Variants in SPTBN1 observed in about 807,000 individuals in gnomAD.
SPTBN1 encodes the protein spectrin beta chain, non-erythrocytic 1.
Under a neutral mutation model 266.4 loss-of-function variants are expected in SPTBN1, and 32 were observed. The ratio of observed to expected loss-of-function variants is 0.12; its 90% CI spans 0.09 to 0.16. The LOEUF is 0.16. Ranked by LOEUF, SPTBN1 falls within the 10% of genes least tolerant of loss-of-function variation. The pLI is 1.00. For missense variants in SPTBN1, 2,296 were observed against 3,067.1 expected (o/e 0.75, Z 5.94); for synonymous variants, 1,336 against 1,162.2 (o/e 1.15, Z -3.04).
At chr2:54,506,109 G>A (rs1443667965) in intron 1 of SPTBN1, among the ~76,000 whole-genome samples, 2 of 149,142 alleles carry the variant, frequency 1.3e-5, no homozygotes, top group Admixed American at 1.4e-4. Context: ...GGGCAACAGA[G>A]TGAGACTCCG....
At chr2:54,585,657 A>G (rs1208914706) in intron 2 of SPTBN1, among the ~76,000 whole-genome samples, 1 of 152,210 alleles carries the variant, frequency 6.6e-6, no homozygotes, top group African/African-American at 2.4e-5. Flanking sequence ...CTGAGTATCA[A>G]TTGTCTAATG....
chr2:54,665,781 A>G, intron 33 of SPTBN1, 134 bp from the exon 34 acceptor site: 1 of 1,036,248 alleles, frequency 9.7e-7, no homozygotes, highest in Non-Finnish European at 1.4e-6. Flanking sequence ...GCTTGTAATA[A>G]GGAAGGTTGA....
chr2:54,641,183 C>A (rs1189182685), intron 18 of SPTBN1, among the ~76,000 whole-genome samples: 1 of 152,246 alleles, frequency 6.6e-6, no homozygotes, highest in Non-Finnish European at 1.5e-5. Flanking sequence ...GATGAACTAG[C>A]AAGTTCCATA....
intron 1 of SPTBN1, among the ~76,000 whole-genome samples, chr2:54,503,363 G>A (rs1052884972): frequency 6.6e-6 from 1 of 152,152 alleles, no homozygotes; most frequent in Admixed American, 6.5e-5. Flanking sequence ...CTGGTTAGTG[G>A]CTTTGCAGTC....
intron 2 of SPTBN1, among the ~76,000 whole-genome samples, chr2:54,584,888 C>A (rs1349686622): frequency 6.6e-6 from 1 of 152,160 alleles, no homozygotes; most frequent in African/African-American, 2.4e-5. Flanking sequence ...CTGTTGGAAG[C>A]ACCTGACTTT....
At chr2:54,583,684 A>G (rs1675098977) in intron 2 of SPTBN1, among the ~76,000 whole-genome samples, 1 of 152,182 alleles carries the variant, frequency 6.6e-6, no homozygotes, top group Non-Finnish European at 1.5e-5. Flanking sequence ...AAAGTTAACT[A>G]CCAATTTAGT....
chr2:54,534,194 C>G (rs1305438548), intron 2 of SPTBN1, among the ~76,000 whole-genome samples: 1 of 152,204 alleles, frequency 6.6e-6, no homozygotes, highest in Non-Finnish European at 1.5e-5. Context: ...TAGGGCTCTT[C>G]TTGTTCGCAC....
intron 2 of SPTBN1, among the ~76,000 whole-genome samples, chr2:54,581,428 T>C (rs1674892558): frequency 6.6e-6 from 1 of 152,196 alleles, no homozygotes; most frequent in Admixed American, 6.5e-5. Context: ...ATCCTTTTGA[T>C]GCTGACAGCA....
At chr2:54,472,514 T>G (rs35001659) in intron 1 of SPTBN1, among the ~76,000 whole-genome samples, 57,921 of 152,036 alleles carry the variant, frequency 0.38, 11,309 homozygotes, top group East Asian at 0.51. Flanking sequence ...TTGTCTGCAG[T>G]ACTTAGTTCT....
Position 54,624,805 on chromosome 2 carries a change from C to T in SPTBN1, c.1184C>T (p.Ala395Val). 1 of 1,613,876 alleles carries T rather than the reference C, an allele frequency of 6.2e-7. No homozygotes were observed. Among genetic ancestry groups the T allele is most frequent in the Non-Finnish European group, 8.5e-7 (1 of 1,179,960 alleles). Residue 395 changes from alanine (A) to valine (V), a missense_variant and splice_region_variant, in exon 11 of 36, where the codon GCC (alanine) becomes GTC (valine). Around this residue, in one of 12 missense-constraint regions of SPTBN1, gnomAD observed 148 missense variants for 203.8 expected, o/e 0.73. Coordinates refer to ENST00000356805, the MANE Select transcript of SPTBN1 (RefSeq NM_003128.3). ...GTGTGTGTATTTTCATTTTTGTAGG[C>T]CTGGGAAAGACTGGAAAAAGCGGAA... ...EGKLISDINKAWERLEKAEHE... is the reference protein window; with the variant it reads ...EGKLISDINKVWERLEKAEHE...
At chr2:54,628,000 T>C (rs2971887) in intron 12 of SPTBN1, 97 bp from the exon 13 acceptor site, 1,066,188 of 1,431,714 alleles carry the variant, frequency 0.74, 399,655 homozygotes, top group African/African-American at 0.94. Context: ...AGGGAAGGCA[T>C]AGCTTCATTG....
At chr2:54,549,558 T>A (rs1270874124) in intron 2 of SPTBN1, among the ~76,000 whole-genome samples, 5 of 152,204 alleles carry the variant, frequency 3.3e-5, no homozygotes, top group Non-Finnish European at 5.9e-5. Context: ...TTCACTTCTC[T>A]TGAGTCTGTG....
intron 2 of SPTBN1, among the ~76,000 whole-genome samples, chr2:54,593,823 CTTTTTTTTTTTTT>C (rs374877354): frequency 3.1e-5 from 2 of 64,782 alleles, no homozygotes; most frequent in African/African-American, 1.2e-4. Flanking sequence ...CATGGAAACA[CTTTTTTTTTTTTT>C]TTTTTTTTTT....
chr2:54,506,248 G>A (rs898850048), intron 1 of SPTBN1, among the ~76,000 whole-genome samples: 20 of 152,128 alleles, frequency 1.3e-4, no homozygotes, highest in Admixed American at 7.2e-4. Flanking sequence ...ATGTGCTTTC[G>A]GAGGTTGTGA....
chr2:54,590,673 A>G (rs9808516), intron 2 of SPTBN1, among the ~76,000 whole-genome samples: 6,318 of 152,320 alleles, frequency 0.041, 405 homozygotes, highest in African/African-American at 0.14. Flanking sequence ...GGTTAGAAGA[A>G]TGATAGAAGC....
In SPTBN1 at chr2:54,594,833, C is replaced by CTTTTTTTTTTTTTTT. The variant is rs71408777; in HGVS notation, c.149-4255_149-4241dup. On this transcript the variant is annotated intron_variant, in intron 2 of 35. Transcript: ENST00000356805. The stretch of plus-strand genomic sequence containing the variant: ...GATTCCATGACCCTCTGGTAAGTTT[C>CTTTTTTTTTTTTTTT]TTTTTTTTTTTTTTTTTTGAGACAG... Among the ~76,000 whole-genome samples, 26 of 104,674 alleles carry CTTTTTTTTTTTTTTT rather than the reference C, an allele frequency of 2.5e-4. 1 individual carries two copies. Among genetic ancestry groups the CTTTTTTTTTTTTTTT allele is most frequent in the African/African-American group, 6.6e-4 (13 of 19,770 alleles). 68.7% of individuals were successfully genotyped at this position (104,674 alleles called of 152,430 possible). A position where few individuals can be genotyped will look rare whatever the true frequency, so the allele number is the denominator to read the frequency against.
chr2:54,467,530 C>T (rs534060122), intron 1 of SPTBN1, among the ~76,000 whole-genome samples: 41 of 151,944 alleles, frequency 2.7e-4, no homozygotes, highest in African/African-American at 9.2e-4. Context: ...GAGTAGCTGG[C>T]GCCTGCCACC....
intron 2 of SPTBN1, among the ~76,000 whole-genome samples, chr2:54,566,185 CTT>C (rs59369956): frequency 6.7e-4 from 84 of 125,170 alleles, no homozygotes; most frequent in African/African-American, 1.0e-3. Context: ...TTTCTTTTTT[CTT>C]TTTTTTTTTT....
intron 2 of SPTBN1, among the ~76,000 whole-genome samples, chr2:54,538,224 T>C (rs1403921268): frequency 1.3e-5 from 2 of 152,250 alleles, no homozygotes; most frequent in Non-Finnish European, 2.9e-5. Context: ...GTCTTTAGAA[T>C]ATGCCTTTAA....
Sources: gnomAD v4.1 joint callset for allele counts (sites outside exome capture counted in the v4.1 genomes callset) on GRCh38, gnomAD v4.1.1 for gene constraint, gnomAD v4.1.1 regional missense constraint, MANE v1.5 for transcripts, NCBI Gene and HGNC (gene_info 2026-07-23, HGNC 2026-07-21) for gene names.